FTCDNL1: variants seen among roughly 807,000 people sequenced by gnomAD.
FTCDNL1 encodes formiminotransferase cyclodeaminase N-terminal like.
A neutral mutation model predicts 5.9 loss-of-function variants in FTCDNL1; 11 were observed. That is an observed-to-expected ratio of 1.87 (90% CI 1.18 to 3.10). FTCDNL1 has a LOEUF of 3.10. Ranked by LOEUF, FTCDNL1 falls within the 30% of genes most tolerant of loss-of-function variation. The probability of loss-of-function intolerance (pLI) is 0.00; values close to 1 mark genes in which losing one functional copy is unlikely to be tolerated. For synonymous variants in FTCDNL1, 58 were observed against 24.8 expected, an observed-to-expected ratio of 2.34 and a Z score of -3.99; for missense variants, 115 against 65.5, an observed-to-expected ratio of 1.76 and a Z score of -2.61.
At position 199,842,297 on chromosome 2, in the gene FTCDNL1, AT is replaced by A. The variant is rs375112413; in HGVS notation, c.211+3777del. On this transcript the variant is annotated intron_variant, in intron 3 of 4. Transcript: ENST00000420128. ...AATTTAAAAAAAATAAAACTTCATA[AT>A]CTGGCCTCTGATTACCTCTTGAGAC... Among the ~76,000 whole-genome samples, 837 of 152,068 alleles carry A rather than the reference AT, an allele frequency of 5.5e-3. 12 individuals are homozygous for A. Among genetic ancestry groups the A allele is most frequent in the African/African-American group, 0.018 (742 of 41,492 alleles).
At chr2:199,685,504 T>C in the FTCDNL1 span, among the ~76,000 whole-genome samples, 1 of 152,102 alleles carries the variant, frequency 6.6e-6, no homozygotes, top group Non-Finnish European at 1.5e-5. Flanking sequence ...ACCAAGAGCC[T>C]CCCAGAATTG....
At chr2:199,788,428 A>G (rs1335141716) in intron 3 of FTCDNL1, among the ~76,000 whole-genome samples, 2 of 152,270 alleles carry the variant, frequency 1.3e-5, no homozygotes, top group Non-Finnish European at 2.9e-5. Flanking sequence ...CGCCAAAATG[A>G]TCTCGACAAC....
chr2:199,694,261 T>C, the FTCDNL1 span, among the ~76,000 whole-genome samples: 2 of 152,120 alleles, frequency 1.3e-5, no homozygotes, highest in African/African-American at 2.4e-5. Context: ...TACCAGGTGT[T>C]TTGTCGTTGC....
At chr2:199,818,823 T>G (rs1163750468) in intron 4 of FTCDNL1, 1 of 152,090 alleles carries the variant, frequency 6.6e-6, no homozygotes, top group Non-Finnish European at 1.5e-5. Flanking sequence ...CATCAAAATG[T>G]GACCTTACAT....
the FTCDNL1 span, among the ~76,000 whole-genome samples, chr2:199,748,616 A>G: frequency 6.6e-6 from 1 of 152,136 alleles, no homozygotes; most frequent in Non-Finnish European, 1.5e-5. Flanking sequence ...TCAGCCCCTG[A>G]TCTGTGAGAC....
chr2:199,665,235 C>A, the FTCDNL1 span, among the ~76,000 whole-genome samples: 1 of 152,176 alleles, frequency 6.6e-6, no homozygotes, highest in Non-Finnish European at 1.5e-5. Context: ...TCAAGATACA[C>A]CTTTGCTTCA....
At chr2:199,846,279 A>T (rs2076730658) in intron 2 of FTCDNL1, 109 bp from the exon 3 acceptor site, 1 of 581,242 alleles carries the variant, frequency 1.7e-6, no homozygotes, top group South Asian at 2.2e-5. Context: ...AAATTCTGGG[A>T]TGTGACTTTT....
intron 3 of FTCDNL1, among the ~76,000 whole-genome samples, chr2:199,786,173 A>G (rs1699637487): frequency 6.6e-6 from 1 of 151,964 alleles, no homozygotes; most frequent in East Asian, 1.9e-4. Context: ...CCCCTGTCCT[A>G]AACAACTTTG....
chr2:199,791,674 T>C (rs533824489), intron 3 of FTCDNL1, among the ~76,000 whole-genome samples: 1 of 152,294 alleles, frequency 6.6e-6, no homozygotes, highest in East Asian at 1.9e-4. Context: ...GTACATAATA[T>C]AAAATTTATG....
chr2:199,716,989 G>C, the FTCDNL1 span, among the ~76,000 whole-genome samples: 19 of 152,070 alleles, frequency 1.2e-4, no homozygotes, highest in African/African-American at 4.3e-4. Flanking sequence ...TCGTTTCTCG[G>C]AGTGTTAGGT....
At chr2:199,710,818 T>C in the FTCDNL1 span, among the ~76,000 whole-genome samples, 1 of 152,122 alleles carries the variant, frequency 6.6e-6, no homozygotes, top group Non-Finnish European at 1.5e-5. Context: ...TTCTCAAAAA[T>C]AGTCTCTTCC....
the FTCDNL1 span, among the ~76,000 whole-genome samples, chr2:199,708,342 T>C: frequency 2.6e-5 from 4 of 152,238 alleles, no homozygotes; most frequent in South Asian, 8.3e-4. Flanking sequence ...TTAATGTTCA[T>C]GTCTGCTAAT....
chr2:199,792,251 G>T (rs923936267), intron 3 of FTCDNL1, among the ~76,000 whole-genome samples: 3 of 152,100 alleles, frequency 2.0e-5, no homozygotes, highest in Admixed American at 6.6e-5. Flanking sequence ...AAAGTAGTAG[G>T]TGTTTTGGTA....
chr2:199,762,169 AG>A (rs1698303068), intron 3 of FTCDNL1, among the ~76,000 whole-genome samples: 1 of 152,228 alleles, frequency 6.6e-6, no homozygotes, highest in South Asian at 2.1e-4. Context: ...TCATGAGGTC[AG>A]GAGTTCGAGA....
intron 3 of FTCDNL1, among the ~76,000 whole-genome samples, chr2:199,797,249 A>ATATGCAGAATGAATGAATCCATT (rs1405179303): frequency 1.1e-4 from 16 of 152,260 alleles, no homozygotes; most frequent in Non-Finnish European, 2.1e-4. Context: ...ATGAATTTCA[A>ATATGCAGAATGAATGAATCCATT]TATGCAGAAT....
At chr2:199,789,341 T>C (rs192388857) in intron 3 of FTCDNL1, among the ~76,000 whole-genome samples, 2 of 152,150 alleles carry the variant, frequency 1.3e-5, no homozygotes, top group African/African-American at 2.4e-5. Flanking sequence ...TACATCAACA[T>C]AATCCCTTAC....
chr2:199,777,577 A>G (rs1288644592), intron 3 of FTCDNL1, among the ~76,000 whole-genome samples: 1 of 152,212 alleles, frequency 6.6e-6, no homozygotes, highest in African/African-American at 2.4e-5. Flanking sequence ...TAATCTCATC[A>G]TAAGAATACC....
At chr2:199,775,460 G>A (rs1187799774) in intron 3 of FTCDNL1, among the ~76,000 whole-genome samples, 2 of 152,174 alleles carry the variant, frequency 1.3e-5, no homozygotes, top group Non-Finnish European at 1.5e-5. Context: ...ATGAAAACTT[G>A]AGGGAAGCAA....
At chr2:199,835,286 G>A (rs868621651) in intron 3 of FTCDNL1, among the ~76,000 whole-genome samples, 3 of 152,190 alleles carry the variant, frequency 2.0e-5, no homozygotes, top group Non-Finnish European at 2.9e-5. Context: ...CACAGGCTAC[G>A]GGGAAAAGAA....
Sources: gnomAD v4.1 joint callset for allele counts (sites outside exome capture counted in the v4.1 genomes callset) on GRCh38, gnomAD v4.1.1 for gene constraint, MANE v1.5 for transcripts, NCBI Gene and HGNC (gene_info 2026-07-23, HGNC 2026-07-21) for gene names.